The following ENOX1 variants were observed in gnomAD, a reference collection of about 807,000 sequenced individuals.
The protein encoded by ENOX1 is ecto-NOX disulfide-thiol exchanger 1.
A neutral mutation model predicts 82.5 loss-of-function variants in ENOX1; 42 were observed. The ratio of observed to expected loss-of-function variants is 0.51; its 90% CI spans 0.40 to 0.66. ENOX1 has a LOEUF of 0.66. Ranked by LOEUF, ENOX1 falls within the 30% of genes least tolerant of loss-of-function variation. The pLI is 0.00. For missense variants in ENOX1, 608 were observed against 811.6 expected (o/e 0.75, Z 3.05); for synonymous variants, 271 against 282.2 (o/e 0.96, Z 0.40).
At chr13:43,762,930 C>T (rs1404180429) in intron 1 of ENOX1, among the ~76,000 whole-genome samples, 1 of 152,176 alleles carries the variant, frequency 6.6e-6, no homozygotes, top group Non-Finnish European at 1.5e-5. Flanking sequence ...TTAATCAATG[C>T]AATGGATAGC....
At chr13:43,282,638 G>A (rs2045456591) in intron 12 of ENOX1, among the ~76,000 whole-genome samples, 1 of 151,616 alleles carries the variant, frequency 6.6e-6, no homozygotes. Context: ...TACCCAGGCT[G>A]GTCTCAAACT....
chr13:43,340,876 G>C (rs900365771), intron 9 of ENOX1, among the ~76,000 whole-genome samples: 1 of 152,092 alleles, frequency 6.6e-6, no homozygotes, highest in Admixed American at 6.6e-5. Flanking sequence ...ATGTTATAAG[G>C]CTTGATATAT....
At position 43,725,391 on chromosome 13, in the gene ENOX1, A is replaced by AT. The variant is rs532530329; in HGVS notation, c.-284-57848dup. Among the ~76,000 whole-genome samples, 289 of 152,214 alleles carry AT rather than the reference A, an allele frequency of 1.9e-3. 3 individuals carry two copies. Among genetic ancestry groups the AT allele is most frequent in the African/African-American group, 6.9e-3 (285 of 41,530 alleles). ...TTTATAATCGTAGCCAAGCTGAAGA[A>AT]TACAGGCCTCAGAGCTCACCAAGTA... On this transcript the variant is annotated intron_variant, in intron 1 of 16. Coordinates refer to ENST00000690772, the MANE Select transcript of ENOX1 (RefSeq NM_001347969.2).
chr13:43,362,826 C>T (rs577044151), intron 5 of ENOX1, among the ~76,000 whole-genome samples: 1 of 152,346 alleles, frequency 6.6e-6, no homozygotes, highest in Non-Finnish European at 1.5e-5. Flanking sequence ...CAATGTGATT[C>T]TGATCTATAA....
chr13:43,470,251 T>TATATATACATATATATACAC (rs1218459806), intron 3 of ENOX1, among the ~76,000 whole-genome samples: 1 of 44,096 alleles, frequency 2.3e-5, no homozygotes. Context: ...TATATATACA[T>TATATATACATATATATACAC]ATATATATAC....
chr13:43,269,996 G>A (rs1472987563), intron 12 of ENOX1, among the ~76,000 whole-genome samples: 1 of 152,180 alleles, frequency 6.6e-6, no homozygotes, highest in Non-Finnish European at 1.5e-5. Context: ...AAGTGGCTGG[G>A]ACCACAAAAG....
At chr13:43,596,225 A>G (rs1326696061) in intron 2 of ENOX1, among the ~76,000 whole-genome samples, 1 of 152,238 alleles carries the variant, frequency 6.6e-6, no homozygotes, top group African/African-American at 2.4e-5. Context: ...GACAGGGGAA[A>G]AGATCTATCG....
chr13:43,507,651 C>A (rs2077221249), intron 2 of ENOX1, among the ~76,000 whole-genome samples: 1 of 151,908 alleles, frequency 6.6e-6, no homozygotes, highest in Middle Eastern at 3.2e-3. Flanking sequence ...TGTGCTTCAG[C>A]AGTAAATAAA....
At chr13:43,509,934 G>A (rs2077303425) in intron 2 of ENOX1, among the ~76,000 whole-genome samples, 3 of 151,946 alleles carry the variant, frequency 2.0e-5, no homozygotes, top group Admixed American at 1.3e-4. Context: ...TATGTTCTCA[G>A]TGTTGGACAG....
intron 12 of ENOX1, among the ~76,000 whole-genome samples, chr13:43,276,374 A>C (rs2045033814): frequency 6.6e-6 from 1 of 151,782 alleles, no homozygotes; most frequent in Admixed American, 6.6e-5. Context: ...TCTGAACTCC[A>C]CCTGTGACCA....
At chr13:43,470,409 T>C (rs139911641) in intron 3 of ENOX1, among the ~76,000 whole-genome samples, 1,962 of 97,504 alleles carry the variant, frequency 0.02, 103 homozygotes, top group East Asian at 0.063. Flanking sequence ...TGTATATATA[T>C]ATATATATAA....
chr13:43,470,181 T>C (rs1467477579), intron 3 of ENOX1, among the ~76,000 whole-genome samples: 1 of 144,124 alleles, frequency 6.9e-6, no homozygotes, highest in African/African-American at 2.6e-5. Flanking sequence ...TTTCAAACTA[T>C]ATGTGTGTGT....
chr13:43,369,336 A>G (rs2051061692), intron 5 of ENOX1, among the ~76,000 whole-genome samples: 1 of 152,244 alleles, frequency 6.6e-6, no homozygotes, highest in African/African-American at 2.4e-5. Context: ...ATCCACAGAA[A>G]GAGACCAGGA....
chr13:43,690,951 C>A (rs1314539035), intron 1 of ENOX1, among the ~76,000 whole-genome samples: 1 of 152,158 alleles, frequency 6.6e-6, no homozygotes, highest in African/African-American at 2.4e-5. Context: ...GCCTGTGAAA[C>A]TTCTTAGGCA....
chr13:43,405,904 T>C (rs1052033106), intron 5 of ENOX1, among the ~76,000 whole-genome samples: 1 of 152,216 alleles, frequency 6.6e-6, no homozygotes, highest in African/African-American at 2.4e-5. Context: ...ACCCTTTATC[T>C]ATTAGTAGCA....
intron 3 of ENOX1, among the ~76,000 whole-genome samples, chr13:43,483,106 C>T (rs758861650): frequency 9.9e-5 from 15 of 152,072 alleles, no homozygotes; most frequent in African/African-American, 1.2e-4. Flanking sequence ...CATTTGTCAC[C>T]GTGGACAGAA....
chr13:43,465,826 T>C (rs1206267733), intron 3 of ENOX1, among the ~76,000 whole-genome samples: 2 of 152,158 alleles, frequency 1.3e-5, no homozygotes, highest in African/African-American at 2.4e-5. Flanking sequence ...CTTATGGAAA[T>C]TGTCCTGACA....
intron 2 of ENOX1, among the ~76,000 whole-genome samples, chr13:43,569,499 T>C (rs796203662): frequency 3.3e-5 from 5 of 152,300 alleles, no homozygotes; most frequent in African/African-American, 9.6e-5. Context: ...CTTGAAACCT[T>C]TGACTTCATT....
chr13:43,612,365 T>C (rs950160010), intron 2 of ENOX1, among the ~76,000 whole-genome samples: 3 of 152,184 alleles, frequency 2.0e-5, no homozygotes, highest in African/African-American at 7.2e-5. Flanking sequence ...AGTCACTAGT[T>C]TGAGAGTATC....
Sources: gnomAD v4.1 joint callset for allele counts (sites outside exome capture counted in the v4.1 genomes callset) on GRCh38, gnomAD v4.1.1 for gene constraint, MANE v1.5 for transcripts, NCBI Gene and HGNC (gene_info 2026-07-23, HGNC 2026-07-21) for gene names.